The following LHFPL3 variants were observed in gnomAD, a reference collection of about 807,000 sequenced individuals.
LHFPL3 encodes the protein LHFPL tetraspan subfamily member 3 protein.
LHFPL3 carries 5 observed loss-of-function variants against 19.3 expected under a neutral mutation model. That is an observed-to-expected ratio of 0.26 (90% CI 0.14 to 0.54). LHFPL3 has a LOEUF of 0.54. Ranked by LOEUF, LHFPL3 falls within the 20% of genes least tolerant of loss-of-function variation. The pLI is 0.94. For synonymous variants in LHFPL3, 133 were observed against 126.2 expected, an observed-to-expected ratio of 1.05 and a Z score of -0.36; for missense variants, 249 against 307.4, an observed-to-expected ratio of 0.81 and a Z score of 1.42.
chr7:104,900,120 A>G (rs796906749), intron 2 of LHFPL3, among the ~76,000 whole-genome samples: 3 of 152,346 alleles, frequency 2.0e-5, no homozygotes, highest in African/African-American at 7.2e-5. Context: ...CTGGGCTTCA[A>G]TAGTAAAAGC....
intron 1 of LHFPL3, 135 bp downstream of exon 1, chr7:104,329,359 T>TG (rs1468637415): frequency 1.2e-5 from 14 of 1,187,818 alleles, no homozygotes; most frequent in Middle Eastern, 2.9e-4. Flanking sequence ...CGTCGAGGTG[T>TG]GGGGGGCGGG....
chr7:104,565,541 A>G (rs1790102457), intron 1 of LHFPL3, among the ~76,000 whole-genome samples: 1 of 152,256 alleles, frequency 6.6e-6, no homozygotes, highest in East Asian at 1.9e-4. Context: ...ATTGAGGAAG[A>G]GAAATGAAAG....
At chr7:104,430,454 ATTTTTTTTTTTTTTTTTTT>A (rs1172420054) in intron 1 of LHFPL3, among the ~76,000 whole-genome samples, 1 of 15,290 alleles carries the variant, frequency 6.5e-5, no homozygotes, top group African/African-American at 2.7e-4. Context: ...ATATATATAT[ATTTTTTTTTTTTTTTTTTT>A]TTTTTTTTTT....
chr7:104,489,677 G>A (rs1020557899), intron 1 of LHFPL3, among the ~76,000 whole-genome samples: 8 of 151,992 alleles, frequency 5.3e-5, no homozygotes, highest in South Asian at 2.1e-4. Flanking sequence ...ATGAACCAAA[G>A]GTTACTCCAC....
chr7:104,544,695 A>G (rs1794547500), intron 1 of LHFPL3, among the ~76,000 whole-genome samples: 2 of 152,152 alleles, frequency 1.3e-5, no homozygotes, highest in South Asian at 4.1e-4. Context: ...GTGCATCTCT[A>G]TATATCTGCA....
At chr7:104,861,913 G>A (rs1791625619) in intron 2 of LHFPL3, among the ~76,000 whole-genome samples, 1 of 152,162 alleles carries the variant, frequency 6.6e-6, no homozygotes, top group Non-Finnish European at 1.5e-5. Flanking sequence ...CCACGCTGCT[G>A]ATGGCAGGAA....
At chr7:104,838,701 C>A (rs1216277764) in intron 2 of LHFPL3, among the ~76,000 whole-genome samples, 5 of 152,166 alleles carry the variant, frequency 3.3e-5, no homozygotes, top group African/African-American at 1.2e-4. Flanking sequence ...CAATTTCATA[C>A]CATAGACACA....
At chr7:104,564,103 AAG>A (rs1377539114) in intron 1 of LHFPL3, among the ~76,000 whole-genome samples, 5 of 152,206 alleles carry the variant, frequency 3.3e-5, no homozygotes, top group Admixed American at 1.3e-4. Context: ...TATTGTATAA[AAG>A]AGAAAACTCA....
At chr7:104,729,452 C>T (rs1010922068) in intron 1 of LHFPL3, among the ~76,000 whole-genome samples, 25 of 152,204 alleles carry the variant, frequency 1.6e-4, no homozygotes, top group African/African-American at 6.0e-4. Context: ...TACTGTGCAA[C>T]AGAACACCAG....
intron 1 of LHFPL3, among the ~76,000 whole-genome samples, chr7:104,441,585 TA>T (rs1434089948): frequency 1.3e-5 from 2 of 152,158 alleles, no homozygotes; most frequent in African/African-American, 4.8e-5. Context: ...TTTATTTATT[TA>T]TTTTTTTTGA....
intron 2 of LHFPL3, among the ~76,000 whole-genome samples, chr7:104,871,274 C>G (rs1318516598): frequency 6.6e-6 from 1 of 152,172 alleles, no homozygotes; most frequent in Non-Finnish European, 1.5e-5. Context: ...GCAATTGTAA[C>G]ACAATGATAA....
At chr7:104,609,739 ACTGT>A (rs1280478286) in intron 1 of LHFPL3, among the ~76,000 whole-genome samples, 1 of 152,218 alleles carries the variant, frequency 6.6e-6, no homozygotes, top group African/African-American at 2.4e-5. Flanking sequence ...TTAAAACAAA[ACTGT>A]CTAATTAGTT....
intron 2 of LHFPL3, among the ~76,000 whole-genome samples, chr7:104,859,029 A>G (rs1422147902): frequency 2.0e-5 from 3 of 152,086 alleles, no homozygotes; most frequent in Admixed American, 6.5e-5. Context: ...TTGGGAGGCC[A>G]AGGCAGGTGG....
At chr7:104,479,495 G>T (rs193065758) in intron 1 of LHFPL3, among the ~76,000 whole-genome samples, 5 of 151,852 alleles carry the variant, frequency 3.3e-5, no homozygotes, top group African/African-American at 7.2e-5. Context: ...AGATTCAAGC[G>T]ATTCTCCTGC....
rs569247393 is a variant in LHFPL3, at chr7:104,406,919, CT to C, written c.445+77698del. On this transcript the variant is annotated intron_variant, in intron 1 of 2. Transcript: ENST00000424859. The stretch of plus-strand genomic sequence containing the variant: ...GAAACCTGTGTTTAATAACTTATCT[CT>C]TTGGTCATGAGCTAGAAAGACCTTC... Among the ~76,000 whole-genome samples, 32 of 152,302 alleles carry C rather than the reference CT, an allele frequency of 2.1e-4. No individual in the cohort carries two copies. The South Asian group carries it at 6.2e-3, about 30-fold the overall frequency.
chr7:104,737,906 A>G (rs978660885), intron 2 of LHFPL3, among the ~76,000 whole-genome samples: 1 of 152,174 alleles, frequency 6.6e-6, no homozygotes, highest in Admixed American at 6.5e-5. Context: ...GGACTCAAAT[A>G]TAAGTATATA....
chr7:104,752,123 G>T (rs895737925), intron 2 of LHFPL3, among the ~76,000 whole-genome samples: 3 of 152,160 alleles, frequency 2.0e-5, no homozygotes, highest in African/African-American at 7.2e-5. Context: ...CACCTGACCT[G>T]CTGGAAGAGG....
chr7:104,533,206 GAT>G (rs888100410), intron 1 of LHFPL3, among the ~76,000 whole-genome samples: 1 of 152,102 alleles, frequency 6.6e-6, no homozygotes, highest in Admixed American at 6.6e-5. Context: ...GCCAGCACTG[GAT>G]ATGAGTGACC....
At chr7:104,441,212 C>A (rs889108854) in intron 1 of LHFPL3, among the ~76,000 whole-genome samples, 18 of 152,140 alleles carry the variant, frequency 1.2e-4, no homozygotes, top group Non-Finnish European at 1.9e-4. Context: ...TCCCCACAAC[C>A]CCTGGCAACC....
Sources: allele counts gnomAD v4.1 joint callset (sites outside exome capture counted in the v4.1 genomes callset), GRCh38; gene constraint gnomAD v4.1.1; transcripts MANE v1.5; gene names NCBI Gene and HGNC (gene_info 2026-07-23, HGNC 2026-07-21).